SYNPO2: variants seen among roughly 807,000 people sequenced by gnomAD.
The protein encoded by SYNPO2 is synaptopodin 2, also known as synaptopodin-2.
SYNPO2 carries 56 observed loss-of-function variants against 85.0 expected under a neutral mutation model. The observed-to-expected ratio is 0.66, with a 90% CI of 0.53 to 0.82. The LOEUF is 0.82. Ranked by LOEUF, SYNPO2 falls within the 40% of genes least tolerant of loss-of-function variation. SYNPO2 has a pLI of 0.00. For synonymous variants in SYNPO2, 602 were observed against 591.1 expected (o/e 1.02, Z -0.27); for missense variants, 1,575 against 1,534.2 (o/e 1.03, Z -0.44).
At chr4:119,046,504 A>G (rs1738872022) in intron 4 of SYNPO2, among the ~76,000 whole-genome samples, 2 of 152,204 alleles carry the variant, frequency 1.3e-5, no homozygotes, top group South Asian at 4.1e-4. Context: ...TCTCCCTCCT[A>G]TTTTTGTCCT....
In SYNPO2 at chr4:119,059,855, A is replaced by T. The variant is rs1474082170; in HGVS notation, c.*1921A>T. The T allele has an allele frequency of 6.6e-6, 1 of 150,944 alleles. No homozygotes were observed. Among genetic ancestry groups the T allele is most frequent in the East Asian group, 1.9e-4 (1 of 5,204 alleles). The allele number at this position is 150,944 out of a possible 1,614,324, so 9.4% of individuals were successfully genotyped here. On this transcript the variant is annotated 3_prime_UTR_variant, in exon 5 of 5. Coordinates refer to ENST00000307142, the MANE Select transcript of SYNPO2 (RefSeq NM_133477.3). Reference sequence around the variant, plus strand: ...AACGATAAATACTTTCCAAGGTTATATTGTTAAATTATCTTAAATTATCAA... The same window carrying T: ...AACGATAAATACTTTCCAAGGTTATTTTGTTAAATTATCTTAAATTATCAA...
At chr4:118,913,455 A>G (rs1008319341) in intron 1 of SYNPO2, among the ~76,000 whole-genome samples, 2 of 152,178 alleles carry the variant, frequency 1.3e-5, no homozygotes, top group African/African-American at 4.8e-5. Context: ...CTCTGGTGTT[A>G]TAGTTTCAGT....
At chr4:118,966,052 CTAAA>C (rs1024329980) in intron 1 of SYNPO2, among the ~76,000 whole-genome samples, 2 of 151,962 alleles carry the variant, frequency 1.3e-5, no homozygotes, top group Admixed American at 6.6e-5. Flanking sequence ...GAGACCCTGT[CTAAA>C]TAAATAAATA....
intron 1 of SYNPO2, among the ~76,000 whole-genome samples, chr4:118,932,236 C>G (rs1236122715): frequency 2.0e-5 from 3 of 152,080 alleles, no homozygotes; most frequent in Admixed American, 6.6e-5. Context: ...AGAGCATTTT[C>G]TTTGGCCTAC....
intron 1 of SYNPO2, among the ~76,000 whole-genome samples, chr4:118,861,898 A>G (rs1239345500): frequency 1.3e-5 from 2 of 152,134 alleles, no homozygotes; most frequent in Non-Finnish European, 1.5e-5. Flanking sequence ...GATATTCAAT[A>G]GCGATTGCAT....
Position 119,058,025 on chromosome 4 carries a change from C to T in SYNPO2, c.*91C>T, listed in dbSNP as rs1199966354. ...TAAACTTTTCTAATAGATTTAGATT[C>T]ACTTTTGGTCTTGGCTTGTTCTCAT... On this transcript the variant is annotated 3_prime_UTR_variant, in exon 5 of 5. Coordinates refer to ENST00000307142, the MANE Select transcript of SYNPO2 (RefSeq NM_133477.3). The T allele has an allele frequency of 4.3e-6, 6 of 1,395,892 alleles. No individual in the cohort carries two copies. In the East Asian group the frequency reaches 7.1e-5, roughly 17 times the overall value. The allele number at this position is 1,395,892 out of a possible 1,614,324, so 86.5% of individuals were successfully genotyped here.
chr4:118,959,042 G>C (rs1230194905), intron 1 of SYNPO2, among the ~76,000 whole-genome samples: 1 of 152,146 alleles, frequency 6.6e-6, no homozygotes, highest in Non-Finnish European at 1.5e-5. Context: ...TTTAGGATCT[G>C]TTTATTCATC....
intron 1 of SYNPO2, among the ~76,000 whole-genome samples, chr4:118,958,511 T>TAAGA (rs1170922661): frequency 6.6e-6 from 1 of 152,128 alleles, no homozygotes; most frequent in East Asian, 1.9e-4. Flanking sequence ...GTTACTGTGT[T>TAAGA]TACCCGTTGG....
intron 1 of SYNPO2, among the ~76,000 whole-genome samples, chr4:118,997,827 CT>C (rs1464164143): frequency 6.6e-6 from 1 of 152,188 alleles, no homozygotes; most frequent in Non-Finnish European, 1.5e-5. Flanking sequence ...ATGTTAATAC[CT>C]CCCATTAGTC....
intron 1 of SYNPO2, among the ~76,000 whole-genome samples, chr4:118,996,289 A>C (rs542496943): frequency 3.2e-4 from 49 of 152,266 alleles, no homozygotes; most frequent in African/African-American, 1.2e-3. Context: ...AATCTAACTC[A>C]GACATTGCCT....
At chr4:118,928,633 A>C (rs1385290503) in intron 1 of SYNPO2, among the ~76,000 whole-genome samples, 1 of 152,194 alleles carries the variant, frequency 6.6e-6, no homozygotes, top group Non-Finnish European at 1.5e-5. Flanking sequence ...ATGCAGATAC[A>C]AAAAGATGCT....
chr4:118,875,580 C>T (rs903283249), intron 1 of SYNPO2, among the ~76,000 whole-genome samples: 3 of 152,146 alleles, frequency 2.0e-5, no homozygotes, highest in Admixed American at 6.5e-5. Context: ...ATTGTGTGTG[C>T]TTCCATTATC....
At chr4:118,935,655 T>C (rs10033415) in intron 1 of SYNPO2, among the ~76,000 whole-genome samples, 8,637 of 152,326 alleles carry the variant, frequency 0.057, 781 homozygotes, top group African/African-American at 0.19. Flanking sequence ...AAGCTTAAAA[T>C]GTGCGTATAA....
chr4:118,910,165 T>C (rs1419442068), intron 1 of SYNPO2, among the ~76,000 whole-genome samples: 1 of 152,226 alleles, frequency 6.6e-6, no homozygotes, highest in East Asian at 1.9e-4. Flanking sequence ...TTCTCACTGT[T>C]GTTTTCTCTT....
chr4:119,051,195 T>TTTTTTG (rs1739029533), intron 4 of SYNPO2, among the ~76,000 whole-genome samples: 4 of 136,934 alleles, frequency 2.9e-5, no homozygotes, highest in Admixed American at 2.2e-4. Flanking sequence ...AATTTTTTTT[T>TTTTTTG]TTTTTTTTTT....
At chr4:118,977,110 G>A (rs552105634) in intron 1 of SYNPO2, among the ~76,000 whole-genome samples, 21 of 152,326 alleles carry the variant, frequency 1.4e-4, no homozygotes, top group Non-Finnish European at 2.8e-4. Flanking sequence ...GGTGGTGCTC[G>A]TCAGGGAGGC....
chr4:118,867,784 G>C (rs924944717), intron 1 of SYNPO2, among the ~76,000 whole-genome samples: 5 of 151,960 alleles, frequency 3.3e-5, no homozygotes, highest in African/African-American at 1.2e-4. Context: ...ACTATTCTTA[G>C]TAGAAAGCAT....
intron 1 of SYNPO2, among the ~76,000 whole-genome samples, chr4:118,916,618 A>C (rs1241527898): frequency 6.6e-6 from 1 of 151,776 alleles, no homozygotes; most frequent in Non-Finnish European, 1.5e-5. Context: ...AAAATGTTTT[A>C]CCATATATTT....
At position 119,058,097 on chromosome 4, in the gene SYNPO2, TA is replaced by T; in HGVS notation, c.*164del. The T allele has an allele frequency of 1.6e-6, 1 of 623,180 alleles. No individual in the cohort carries two copies. Among genetic ancestry groups the T allele is most frequent in the Non-Finnish European group, 2.7e-6 (1 of 368,984 alleles). 38.6% of individuals were successfully genotyped at this position (623,180 alleles called of 1,614,324 possible). On this transcript the variant is annotated 3_prime_UTR_variant, in exon 5 of 5. Coordinates refer to ENST00000307142, the MANE Select transcript of SYNPO2 (RefSeq NM_133477.3). ...GTTTCTGTGTGTGTGTGTGTGTGTG[TA>T]TGTATGTGAATATACACACACACAC...
Sources: allele counts gnomAD v4.1 joint callset (sites outside exome capture counted in the v4.1 genomes callset), GRCh38; gene constraint gnomAD v4.1.1; transcripts MANE v1.5; gene names NCBI Gene and HGNC (gene_info 2026-07-23, HGNC 2026-07-21).